The following ST6GAL2 variants were observed in gnomAD, a reference collection of about 807,000 sequenced individuals.
The protein encoded by ST6GAL2 is ST6 beta-galactoside alpha-2,6-sialyltransferase 2.
Under a neutral mutation model 37.5 loss-of-function variants are expected in ST6GAL2, and 24 were observed. That is an observed-to-expected ratio of 0.64 (90% CI 0.46 to 0.90). The LOEUF (loss-of-function observed/expected upper bound fraction) is 0.90. ST6GAL2 is among the 40% of genes least tolerant of loss of function. The pLI, the probability that ST6GAL2 is intolerant of heterozygous loss-of-function variation, is 0.00. For synonymous variants in ST6GAL2, 306 were observed against 295.1 expected (o/e 1.04, Z -0.38); for missense variants, 715 against 712.7 (o/e 1.00, Z -0.04).
chr2:106,850,777 G>T (rs976251320), intron 1 of ST6GAL2, among the ~76,000 whole-genome samples: 2 of 152,182 alleles, frequency 1.3e-5, no homozygotes, highest in Non-Finnish European at 2.9e-5. Context: ...CTAAGCAAGA[G>T]AAAACACATC....
rs781338462 is a variant in ST6GAL2, at chr2:106,843,769, G to C, written c.209C>G (p.Pro70Arg). 1.2e-6 allele frequency: 2 copies of C among 1,610,028 alleles called. No individual in the cohort carries two copies. Among genetic ancestry groups the C allele is most frequent in the Non-Finnish European group, 8.5e-7 (1 of 1,177,918 alleles). The part of the protein sequence containing the change: ...AIMGAAHEPS[P>R]PGGLDARQAL... ...CTGGCGTGCGTCCAGGCCCCCAGGC[G>C]GGGAGGGCTCATGTGCGGCGCCCAT... Residue 70 changes from proline (P) to arginine (R), a missense_variant, in exon 2 of 6, where the codon CCG becomes CGG. Around this residue, in one of 3 missense-constraint regions of ST6GAL2, gnomAD observed 512 missense variants for 488.8 expected, o/e 1.05. Coordinates refer to ENST00000409382, the MANE Select transcript of ST6GAL2 (RefSeq NM_001142351.2).
At chr2:106,846,267 T>C (rs1490291183) in intron 1 of ST6GAL2, among the ~76,000 whole-genome samples, 1 of 152,234 alleles carries the variant, frequency 6.6e-6, no homozygotes, top group Non-Finnish European at 1.5e-5. Context: ...TTATTTGTTT[T>C]GTTTGAGATG....
intron 1 of ST6GAL2, among the ~76,000 whole-genome samples, chr2:106,860,531 T>G (rs1015874670): frequency 1.3e-5 from 2 of 152,008 alleles, no homozygotes; most frequent in African/African-American, 4.8e-5. Flanking sequence ...AAACAAGAGC[T>G]GCAAAGGGCA....
At chr2:106,839,236 C>T (rs907610829) in intron 2 of ST6GAL2, among the ~76,000 whole-genome samples, 1 of 152,096 alleles carries the variant, frequency 6.6e-6, no homozygotes, top group African/African-American at 2.4e-5. Context: ...CTCCCTGTAG[C>T]TCTCACCACC....
rs563438742 is a variant in ST6GAL2 at position 106,851,510 on chromosome 2, C to T, written c.-57-7476G>A. Among the ~76,000 whole-genome samples, 6 of 152,340 alleles carry T rather than the reference C, an allele frequency of 3.9e-5. No homozygotes were observed. In the East Asian group the frequency reaches 9.6e-4, roughly 24 times the overall value. On this transcript the variant is annotated intron_variant, in intron 1 of 5. Transcript: ENST00000409382. ...AAATGTAAACGCTGCCACAGAGGAA[C>T]ATTACACTGCAGCTTAAGGTTAATG...
chr2:106,817,092 AG>A (rs1675831572), intron 5 of ST6GAL2, among the ~76,000 whole-genome samples: 1 of 152,222 alleles, frequency 6.6e-6, no homozygotes, highest in South Asian at 2.1e-4. Context: ...CCTCGCCACC[AG>A]GGGCTAAAGT....
At chr2:106,817,252 G>A (rs143431987) in intron 5 of ST6GAL2, among the ~76,000 whole-genome samples, 103 of 152,326 alleles carry the variant, frequency 6.8e-4, no homozygotes, top group Non-Finnish European at 1.2e-3. Flanking sequence ...CCAAGGGAGT[G>A]CTTGCACCAC....
rs1044792680 is a variant in ST6GAL2, at chr2:106,811,945, A to C, written c.1319-4996T>G. Among the ~76,000 whole-genome samples, 11 of 151,856 alleles carry C rather than the reference A, an allele frequency of 7.2e-5. No homozygotes were observed. In the East Asian group the frequency reaches 2.1e-3, roughly 29 times the overall value. ...AACCAGGTGCGAGCTTCAAGAATCCACTCCCAGGGAGTGGCACAGGGACTG... is the reference window on the plus strand; with the variant it reads ...AACCAGGTGCGAGCTTCAAGAATCCCCTCCCAGGGAGTGGCACAGGGACTG... On this transcript the variant is annotated intron_variant, in intron 5 of 5. Coordinates refer to ENST00000409382, the MANE Select transcript of ST6GAL2 (RefSeq NM_001142351.2).
chr2:106,834,018 T>C (rs747880738), intron 3 of ST6GAL2, 31 bp downstream of exon 3: 17 of 1,514,848 alleles, frequency 1.1e-5, no homozygotes, highest in Admixed American at 6.7e-5. Context: ...CTAAGAAACA[T>C]ACATCCATGA....
At chr2:106,823,486 C>CACACAGAG (rs755735360) in intron 5 of ST6GAL2, among the ~76,000 whole-genome samples, 6 of 118,014 alleles carry the variant, frequency 5.1e-5, no homozygotes, top group South Asian at 2.8e-4. Flanking sequence ...CACACACACA[C>CACACAGAG]AGAGAGAGAG....
At chr2:106,846,657 T>A (rs1282489563) in intron 1 of ST6GAL2, among the ~76,000 whole-genome samples, 2 of 152,238 alleles carry the variant, frequency 1.3e-5, no homozygotes, top group East Asian at 3.8e-4. Flanking sequence ...GCTTTTAAAC[T>A]GTGTTTACTT....
Position 106,884,937 on chromosome 2 carries a change from A to C in ST6GAL2, c.-58+1156T>G, listed in dbSNP as rs1344072794. Among the ~76,000 whole-genome samples, 3 of 110,902 alleles carry C rather than the reference A, an allele frequency of 2.7e-5. No homozygotes were observed. In the East Asian group the frequency reaches 6.5e-4, roughly 24 times the overall value. 72.8% of individuals were successfully genotyped at this position (110,902 alleles called of 152,430 possible). On this transcript the variant is annotated intron_variant, in intron 1 of 5. Coordinates refer to ENST00000409382, the MANE Select transcript of ST6GAL2 (RefSeq NM_001142351.2). ...TATATATATATATATATATATATACATACACACACACACATATATACATAT... is the reference window on the plus strand; with the variant it reads ...TATATATATATATATATATATATACCTACACACACACACATATATACATAT...
intron 1 of ST6GAL2, among the ~76,000 whole-genome samples, chr2:106,883,517 A>C (rs1678836015): frequency 6.6e-6 from 1 of 152,192 alleles, no homozygotes; most frequent in African/African-American, 2.4e-5. Flanking sequence ...CCACTTTCCA[A>C]AATTAGTATA....
intron 5 of ST6GAL2, among the ~76,000 whole-genome samples, chr2:106,819,067 T>C (rs970785572): frequency 6.6e-6 from 1 of 151,692 alleles, no homozygotes; most frequent in Non-Finnish European, 1.5e-5. Context: ...GTAAAAAGAA[T>C]AAGAAAGAAT....
intron 1 of ST6GAL2, among the ~76,000 whole-genome samples, chr2:106,880,768 G>A (rs1678717751): frequency 6.6e-6 from 1 of 152,178 alleles, no homozygotes; most frequent in Non-Finnish European, 1.5e-5. Context: ...CTAGGCTCTT[G>A]TCCTGACTTT....
intron 1 of ST6GAL2, among the ~76,000 whole-genome samples, chr2:106,872,964 C>A (rs189993221): frequency 1.3e-5 from 2 of 152,020 alleles, no homozygotes; most frequent in Non-Finnish European, 2.9e-5. Flanking sequence ...CTGACATGTG[C>A]CAGGCATTCC....
At chr2:106,841,380 T>C (rs1324518298) in intron 2 of ST6GAL2, among the ~76,000 whole-genome samples, 1 of 152,220 alleles carries the variant, frequency 6.6e-6, no homozygotes, top group Non-Finnish European at 1.5e-5. Context: ...AGACCAGTTA[T>C]GCCCTAACAA....
chr2:106,834,414 T>C (rs1269791488), intron 2 of ST6GAL2: 2 of 328,094 alleles, frequency 6.1e-6, no homozygotes, highest in Admixed American at 4.5e-5. Context: ...AGATACTTGC[T>C]ACCTTTTCAA....
intron 5 of ST6GAL2, among the ~76,000 whole-genome samples, chr2:106,820,622 A>G (rs1675968795): frequency 6.6e-6 from 1 of 152,120 alleles, no homozygotes; most frequent in Non-Finnish European, 1.5e-5. Flanking sequence ...TGTATCACAG[A>G]CCAAATGGAC....
Sources: gnomAD v4.1 joint callset for allele counts (sites outside exome capture counted in the v4.1 genomes callset) on GRCh38, gnomAD v4.1.1 for gene constraint, gnomAD v4.1.1 regional missense constraint, MANE v1.5 for transcripts, NCBI Gene and HGNC (gene_info 2026-07-23, HGNC 2026-07-21) for gene names.